Variants in DHRSX observed in about 807,000 individuals in gnomAD.
DHRSX encodes the protein polyprenol dehydrogenase.
DHRSX carries 31 observed loss-of-function variants against 34.0 expected under a neutral mutation model. The ratio of observed to expected loss-of-function variants is 0.91; its 90% CI spans 0.69 to 1.23. DHRSX has a LOEUF of 1.23. DHRSX is among the 50% of genes most tolerant of loss of function. The pLI, the probability that DHRSX is intolerant of heterozygous loss-of-function variation, is 0.00. For missense variants in DHRSX, 414 were observed against 428.1 expected, an observed-to-expected ratio of 0.97 and a Z score of 0.29; for synonymous variants, 201 against 183.8, an observed-to-expected ratio of 1.09 and a Z score of -0.76.
At chrX:2,390,527 T>G (rs2043323797) in intron 3 of DHRSX, among the ~76,000 whole-genome samples, 1 of 152,200 alleles carries the variant, frequency 6.6e-6, no homozygotes, top group South Asian at 2.1e-4. Flanking sequence ...CACAGTAAAG[T>G]GGTATTAAAT....
At chrX:2,229,441 C>T (rs1245584485) in intron 6 of DHRSX, among the ~76,000 whole-genome samples, 1 of 152,084 alleles carries the variant, frequency 6.6e-6, no homozygotes, top group African/African-American at 2.4e-5. Flanking sequence ...TGTCCCCTGC[C>T]TCTTGCCTCT....
intron 1 of DHRSX, chrX:2,488,564 G>A (rs937793650): frequency 1.5e-5 from 22 of 1,503,080 alleles, no homozygotes; most frequent in African/African-American, 4.3e-5. Context: ...CAAGCTGACC[G>A]GGTAAGTATT....
chrX:2,442,572 G>A (rs1219969080), intron 1 of DHRSX, among the ~76,000 whole-genome samples: 11 of 151,922 alleles, frequency 7.2e-5, no homozygotes, highest in Admixed American at 2.0e-4. Context: ...CATGCTGGCC[G>A]GTAAACAACG....
chrX:2,427,331 T>A (rs1432193047), intron 1 of DHRSX, among the ~76,000 whole-genome samples: 4 of 152,184 alleles, frequency 2.6e-5, no homozygotes, highest in African/African-American at 9.7e-5. Context: ...CGTGAGCTTC[T>A]CTCTGGCAGA....
At chrX:2,312,716 T>TA (rs748118465) in intron 3 of DHRSX, among the ~76,000 whole-genome samples, 3,888 of 151,826 alleles carry the variant, frequency 0.026, 134 homozygotes, top group African/African-American at 0.08. Context: ...AAAGTATAAT[T>TA]AAAAAAAATA....
chrX:2,464,762 G>A (rs776385234), intron 1 of DHRSX, among the ~76,000 whole-genome samples: 2 of 149,304 alleles, frequency 1.3e-5, no homozygotes, highest in Non-Finnish European at 3.0e-5. Flanking sequence ...CACTGAAGAC[G>A]TTCCCTAAGC....
In DHRSX at chrX:2,300,903, T is replaced by C. The variant is rs192133394; in HGVS notation, c.287-9300A>G. Among the ~76,000 whole-genome samples the C allele has an allele frequency of 5.7e-3, 868 of 152,312 alleles. 19 individuals carry two copies. The highest frequency in any genetic ancestry group is 2.1e-3 in the East Asian group (11 of 5,192). On this transcript the variant is annotated intron_variant, in intron 3 of 6. Transcript: ENST00000334651. ...GAAAGCAGAAAGAGCCCCTTTTTAA[T>C]GTTTAATTTTATTAAGTATGCAATT...
At chrX:2,383,926 G>A (rs1247002053) in intron 3 of DHRSX, among the ~76,000 whole-genome samples, 1 of 152,236 alleles carries the variant, frequency 6.6e-6, no homozygotes, top group East Asian at 1.9e-4. Flanking sequence ...AACAGGTGGA[G>A]GCATGAAGGG....
intron 1 of DHRSX, among the ~76,000 whole-genome samples, chrX:2,454,248 C>A (rs1455755353): frequency 6.6e-6 from 1 of 152,022 alleles, no homozygotes; most frequent in Non-Finnish European, 1.5e-5. Context: ...CACACTGGGC[C>A]GGGCGCTGTG....
intron 3 of DHRSX, among the ~76,000 whole-genome samples, chrX:2,312,872 C>T (rs2042179893): frequency 6.6e-6 from 1 of 152,110 alleles, no homozygotes; most frequent in South Asian, 2.1e-4. Flanking sequence ...TGGGCCAGAT[C>T]CAATGTGCTT....
At chrX:2,493,560 G>T (rs2045211829) in intron 1 of DHRSX, among the ~76,000 whole-genome samples, 2 of 151,768 alleles carry the variant, frequency 1.3e-5, no homozygotes, top group South Asian at 2.1e-4. Flanking sequence ...TTATTATTAT[G>T]AAGATTAGGC....
intron 1 of DHRSX, among the ~76,000 whole-genome samples, chrX:2,448,739 C>T (rs1280911618): frequency 6.6e-6 from 1 of 152,084 alleles, no homozygotes; most frequent in African/African-American, 2.4e-5. Context: ...ATAAAAATGA[C>T]TCGCATTTCC....
intron 1 of DHRSX, among the ~76,000 whole-genome samples, chrX:2,451,432 G>A (rs1183822257): frequency 1.3e-5 from 2 of 152,126 alleles, no homozygotes; most frequent in African/African-American, 2.4e-5. Context: ...CCAGAAATCC[G>A]AAGATTCAGG....
At chrX:2,433,856 G>A (rs1603089568) in intron 1 of DHRSX, among the ~76,000 whole-genome samples, 1 of 152,226 alleles carries the variant, frequency 6.6e-6, no homozygotes, top group Admixed American at 6.5e-5. Context: ...CTCAATGCAA[G>A]CTCCACCTCC....
At chrX:2,267,114 G>A (rs1036732776) in intron 4 of DHRSX, among the ~76,000 whole-genome samples, 167 bp from the exon 5 acceptor site, 2 of 152,198 alleles carry the variant, frequency 1.3e-5, no homozygotes, top group Non-Finnish European at 2.9e-5. Context: ...TAGGTGTGAT[G>A]GAGAAGATTC....
intron 2 of DHRSX, among the ~76,000 whole-genome samples, chrX:2,409,792 C>T (rs929376940): frequency 1.3e-5 from 2 of 151,466 alleles, no homozygotes; most frequent in Non-Finnish European, 2.9e-5. Flanking sequence ...TGCAGTGGTG[C>T]GATCTCAGCT....
intron 1 of DHRSX, chrX:2,489,015 C>T (rs749021967): frequency 5.0e-6 from 8 of 1,611,924 alleles, no homozygotes; most frequent in Admixed American, 3.3e-5. Context: ...AGCTCCTCCA[C>T]CACCTGGGCA....
At chrX:2,314,465 G>GGAAGGAAGGAAGGAA (rs2042214611) in intron 3 of DHRSX, among the ~76,000 whole-genome samples, 1 of 70,922 alleles carries the variant, frequency 1.4e-5, no homozygotes, top group Non-Finnish European at 3.1e-5. Flanking sequence ...GAGGAAGGAA[G>GGAAGGAAGGAAGGAA]GGGAGAAGGA....
At chrX:2,393,661 T>TG (rs2043368679) in intron 3 of DHRSX, among the ~76,000 whole-genome samples, 11 of 127,224 alleles carry the variant, frequency 8.6e-5, no homozygotes, top group African/African-American at 9.7e-5. Flanking sequence ...CCCCGTCTCC[T>TG]CCGCACACAC....
Sources: gnomAD v4.1 joint callset for allele counts (sites outside exome capture counted in the v4.1 genomes callset) on GRCh38, gnomAD v4.1.1 for gene constraint, MANE v1.5 for transcripts, NCBI Gene and HGNC (gene_info 2026-07-23, HGNC 2026-07-21) for gene names.